Variants in DOT1L observed in about 807,000 individuals in gnomAD.
DOT1L encodes the protein histone-lysine N-methyltransferase, H3 lysine-79 specific.
Under a neutral mutation model 153.3 loss-of-function variants are expected in DOT1L, and 33 were observed. The observed-to-expected ratio is 0.22, with a 90% CI of 0.16 to 0.29. DOT1L has a LOEUF of 0.29. Ranked by LOEUF, DOT1L falls within the 10% of genes least tolerant of loss-of-function variation. DOT1L has a pLI of 1.00. For synonymous variants in DOT1L, 1,135 were observed against 965.1 expected (o/e 1.18, Z -3.26); for missense variants, 1,847 against 2,119.9 (o/e 0.87, Z 2.53).
At chr19:2,171,552 C>T (rs141332840) in intron 1 of DOT1L, among the ~76,000 whole-genome samples, 29 of 152,324 alleles carry the variant, frequency 1.9e-4, no homozygotes, top group East Asian at 1.5e-3. Flanking sequence ...GCCCCACCAC[C>T]GAGGGCGGGC....
chr19:2,186,671 C>T (rs2144721655), intron 3 of DOT1L, among the ~76,000 whole-genome samples: 1 of 152,344 alleles, frequency 6.6e-6, no homozygotes, highest in South Asian at 2.1e-4. Flanking sequence ...CGGTCTCAGC[C>T]TCAGTAAACC....
chr19:2,171,550 A>G (rs535743663), intron 1 of DOT1L, among the ~76,000 whole-genome samples: 14 of 152,300 alleles, frequency 9.2e-5, no homozygotes, highest in African/African-American at 2.4e-4. Flanking sequence ...CAGCCCCACC[A>G]CCGAGGGCGG....
At chr19:2,178,797 C>T (rs2022087585) in intron 1 of DOT1L, among the ~76,000 whole-genome samples, 1 of 152,126 alleles carries the variant, frequency 6.6e-6, no homozygotes, top group Admixed American at 6.6e-5. Context: ...TATCTCCTGA[C>T]CTCGTGATCC....
Position 2,221,979 on chromosome 19 carries a change from T to G in DOT1L, c.2810T>G (p.Phe937Cys). Residue 937 changes from phenylalanine to cysteine, a missense_variant, in exon 24 of 28, where the codon TTC (phenylalanine) becomes TGC (cysteine). Physicochemically the swap from Phe to Cys is radical, Grantham distance 205. Transcript: ENST00000398665. Reference protein sequence around the residue: ...SRSLALAPAGFSYAGSVAISG... With the variant: ...SRSLALAPAGCSYAGSVAISG... ...ACCCCCATGTCCTTCCCGGCAGGCT[T>G]CTCCTACGCTGGCTCGGTGGCCATC... 6.2e-7 allele frequency: 1 copy of G among 1,602,246 alleles called. No homozygotes were observed. The highest frequency in any genetic ancestry group is 2.2e-5 in the East Asian group (1 of 44,656).
rs763799891 is a variant in DOT1L at position 2,220,215 on chromosome 19, C to T, written c.2799C>T (p.Ala933=). 7 of 1,613,058 alleles carry T rather than the reference C, an allele frequency of 4.3e-6. No individual in the cohort carries two copies. The Admixed American group carries it at 1.0e-4, about 23-fold the overall frequency. ...HGAGSRSLAL[A]PAGFSYAGSV... ...CTGGGAGCAGAAGCCTTGCCCTGGC[C>T]CCCGCAGGTAACGCCCCTCCTGTGC... The change falls in exon 23 of 28, where the codon GCC becomes GCT. Residue 933 remains alanine (A), a synonymous_variant. Coordinates refer to ENST00000398665, the MANE Select transcript of DOT1L (RefSeq NM_032482.3). This position sits in a 1 kb window ranked among gnomAD's most constrained non-coding sequence, Gnocchi z 4.5.
At chr19:2,177,607 C>T (rs936972730) in intron 1 of DOT1L, among the ~76,000 whole-genome samples, 5 of 152,214 alleles carry the variant, frequency 3.3e-5, no homozygotes, top group South Asian at 4.1e-4. Flanking sequence ...TCATGATCTG[C>T]GCCCAGCTCG....
At position 2,167,167 on chromosome 19, in the gene DOT1L, G is replaced by A. The variant is rs193284911; in HGVS notation, c.81+2902G>A. Among the ~76,000 whole-genome samples, 309 of 152,256 alleles carry A rather than the reference G, an allele frequency of 2.0e-3. 1 individual carries two copies. The highest frequency in any genetic ancestry group is 6.7e-3 in the African/African-American group (279 of 41,544). ...TAAACCCGCACTAAACACCACTGGC[G>A]GGATTTTTGGTGAAAGTCAGTGTTC... On this transcript the variant is annotated intron_variant, in intron 1 of 27. Coordinates refer to ENST00000398665, the MANE Select transcript of DOT1L (RefSeq NM_032482.3).
intron 1 of DOT1L, among the ~76,000 whole-genome samples, chr19:2,165,701 CTG>C (rs1254199351): frequency 6.6e-6 from 1 of 152,186 alleles, no homozygotes; most frequent in Non-Finnish European, 1.5e-5. Flanking sequence ...AGAGTTCTAA[CTG>C]TAACTGACTG....
chr19:2,164,855 A>G (rs2019848787), intron 1 of DOT1L, among the ~76,000 whole-genome samples: 1 of 152,036 alleles, frequency 6.6e-6, no homozygotes, highest in South Asian at 2.1e-4. Flanking sequence ...GGCCCTGGGA[A>G]ATTAGGCATC....
chr19:2,191,367 T>C lies in DOT1L; in HGVS notation c.493+127T>C. ...CGTTGGCGTGGACAGTGCTTCCTTC[T>C]CCCAGCGCCTCTGTCCCGCTGTGGG... On this transcript the variant is annotated intron_variant, in intron 5 of 27. Transcript: ENST00000398665. This position sits in a 1 kb window ranked among gnomAD's most constrained non-coding sequence, Gnocchi z 6.8. The C allele has an allele frequency of 4.2e-6, 4 of 942,248 alleles. No individual in the cohort carries two copies. In the South Asian group the frequency reaches 4.5e-5, roughly 11 times the overall value. The allele number at this position is 942,248 out of a possible 1,614,324, so 58.4% of individuals were successfully genotyped here.
Position 2,211,812 on chromosome 19 carries a change from C to T in DOT1L, c.1527C>T (p.Ala509=), listed in dbSNP as rs768314779. The change falls in exon 16 of 28, where the codon GCC becomes GCT. Residue 509 remains alanine (A), a synonymous_variant. Coordinates refer to ENST00000398665, the MANE Select transcript of DOT1L (RefSeq NM_032482.3). ...LAYTKTPQYK[A]SLQELLGQEK... is the part of the protein sequence containing the mutation. Reference sequence around the variant, plus strand: ...ACACAAAGACCCCCCAGTACAAGGCCAGCCTGCAGGAGCTGCTGGGCCAGG... The same window carrying T: ...ACACAAAGACCCCCCAGTACAAGGCTAGCCTGCAGGAGCTGCTGGGCCAGG... The T allele has an allele frequency of 7.6e-6, 12 of 1,572,952 alleles. No individual in the cohort carries two copies. The highest frequency in any genetic ancestry group is 7.8e-6 in the Non-Finnish European group (9 of 1,158,828).
intron 2 of DOT1L, among the ~76,000 whole-genome samples, chr19:2,185,319 G>T (rs116668121): frequency 6.6e-6 from 1 of 152,216 alleles, no homozygotes; most frequent in Admixed American, 6.5e-5. Flanking sequence ...AGCCACTGGT[G>T]TGTGGCCTCG....
At chr19:2,203,546 T>A (rs577153746) in intron 9 of DOT1L, among the ~76,000 whole-genome samples, 2 of 152,176 alleles carry the variant, frequency 1.3e-5, no homozygotes, top group Non-Finnish European at 2.9e-5. Flanking sequence ...TTTTGTTTTC[T>A]CCCTCCGGAG....
rs991322353 is a variant in DOT1L at position 2,227,501 on chromosome 19, A to G, written c.4606+374A>G. 3 of 508,968 alleles carry G rather than the reference A, an allele frequency of 5.9e-6. No homozygotes were observed. The African/African-American group carries it at 5.9e-5, about 10-fold the overall frequency. The allele number at this position is 508,968 out of a possible 1,614,324, so 31.5% of individuals were successfully genotyped here. A position where few individuals can be genotyped will look rare whatever the true frequency, so the allele number is the denominator to read the frequency against. On this transcript the variant is annotated intron_variant, in intron 27 of 27. Transcript: ENST00000398665. ...GAGTCCCCGCAGTGCCTGCCCAGAC[A>G]GGGCGGAGAGGAGCCGCCGGGGGGA...
intron 1 of DOT1L, among the ~76,000 whole-genome samples, chr19:2,174,120 G>C (rs2021790114): frequency 6.6e-6 from 1 of 152,206 alleles, no homozygotes; most frequent in African/African-American, 2.4e-5. Flanking sequence ...GCTGTGCCCA[G>C]CCAGCTGGGG....
intron 25 of DOT1L, among the ~76,000 whole-genome samples, chr19:2,224,807 T>A (rs1461644585): frequency 6.6e-6 from 1 of 152,236 alleles, no homozygotes; most frequent in African/African-American, 2.4e-5. Context: ...TGCCCACGTG[T>A]GCGTGCACGT....
chr19:2,207,616 A>G lies in DOT1L; in HGVS notation c.899A>G (p.Lys300Arg). 6.8e-6 allele frequency: 11 copies of G among 1,612,692 alleles called. No homozygotes were observed. Among genetic ancestry groups the G allele is most frequent in the Non-Finnish European group, 8.5e-6 (10 of 1,179,780 alleles). The stretch of plus-strand genomic sequence containing the variant: ...CGCGTGGTGGAGCTCTCGCCCCTGA[A>G]GGGCTCGGTGTCGTGGACGGGGAAG... ...IMRVVELSPL[K>R]GSVSWTGKPV... Residue 300 changes from lysine (K) to arginine (R), a missense_variant, in exon 11 of 28, where the codon AAG (lysine) becomes AGG (arginine). By Grantham distance (26) the Lys-to-Arg change is conservative. Around this residue, in one of 8 missense-constraint regions of DOT1L, gnomAD observed 148 missense variants for 422.3 expected, o/e 0.35. Coordinates refer to ENST00000398665, the MANE Select transcript of DOT1L (RefSeq NM_032482.3). The surrounding 1 kb of genome is among the most constrained non-coding windows in gnomAD (Gnocchi z 4.5).
chr19:2,216,896 C>T (rs1268137638), intron 20 of DOT1L, 59 bp from the exon 21 acceptor site: 4 of 1,570,504 alleles, frequency 2.5e-6, no homozygotes, highest in Non-Finnish European at 3.5e-6. Flanking sequence ...CTGGGCCAGG[C>T]CGCTGCCTCT....
rs374216728 is a variant in DOT1L at position 2,223,502 on chromosome 19, C to G, written c.3596+16C>G. ...GCAGTGCTCGGCGAGTCCAGGGGCCCGGAGGGGGGCGGGGCCTGGCAGCAG... is the reference window on the plus strand; with the variant it reads ...GCAGTGCTCGGCGAGTCCAGGGGCCGGGAGGGGGGCGGGGCCTGGCAGCAG... On this transcript the variant is annotated intron_variant, in intron 25 of 27. Coordinates refer to ENST00000398665, the MANE Select transcript of DOT1L (RefSeq NM_032482.3). 1 of 1,248,676 alleles carries G rather than the reference C, an allele frequency of 8.0e-7. No individual in the cohort carries two copies. The highest frequency in any genetic ancestry group is 1.0e-6 in the Non-Finnish European group (1 of 974,266). The allele number at this position is 1,248,676 out of a possible 1,614,324, so 77.3% of individuals were successfully genotyped here.
Sources: gnomAD v4.1 joint callset for allele counts (sites outside exome capture counted in the v4.1 genomes callset) on GRCh38, gnomAD v4.1.1 for gene constraint, gnomAD v4.1.1 regional missense constraint, Gnocchi (gnomAD v3.1) non-coding constraint, MANE v1.5 for transcripts, NCBI Gene and HGNC (gene_info 2026-07-23, HGNC 2026-07-21) for gene names.